Variants in LRRC3B observed in about 807,000 individuals in gnomAD.
The protein encoded by LRRC3B is leucine-rich repeat-containing protein 3B.
Under a neutral mutation model 12.8 loss-of-function variants are expected in LRRC3B, and 2 were observed. That is an observed-to-expected ratio of 0.16 (90% CI 0.06 to 0.49). The LOEUF (loss-of-function observed/expected upper bound fraction) is 0.49. Ranked by LOEUF, LRRC3B falls within the 20% of genes least tolerant of loss-of-function variation. The pLI is 0.96. For missense variants in LRRC3B, 189 were observed against 319.4 expected, an observed-to-expected ratio of 0.59 and a Z score of 3.11; for synonymous variants, 132 against 122.0, an observed-to-expected ratio of 1.08 and a Z score of -0.54.
At chr3:26,684,933 G>A (rs1236496657) in intron 1 of LRRC3B, among the ~76,000 whole-genome samples, 1 of 142,730 alleles carries the variant, frequency 7.0e-6, no homozygotes, top group African/African-American at 2.7e-5. Flanking sequence ...CTCAAACACA[G>A]GTTTCTTTAT....
rs192145841 is a variant in LRRC3B, at chr3:26,655,193, C to A, written c.-161+31956C>A. The stretch of plus-strand genomic sequence containing the variant: ...AATAAAAATTGTTTCTTCTTAGATA[C>A]TCTACTGCAGTGAATTAAACAGTGA... On this transcript the variant is annotated intron_variant, in intron 1 of 1. Coordinates refer to ENST00000396641, the Ensembl canonical transcript of LRRC3B. 1.3e-3 allele frequency among the ~76,000 whole-genome samples: 205 copies of A among 152,118 alleles called. 1 individual carries two copies. Among genetic ancestry groups the A allele is most frequent in the Non-Finnish European group, 1.9e-3 (132 of 68,010 alleles).
At chr3:26,633,692 G>A (rs993009226) in intron 1 of LRRC3B, among the ~76,000 whole-genome samples, 1 of 152,132 alleles carries the variant, frequency 6.6e-6, no homozygotes, top group African/African-American at 2.4e-5. Context: ...TATCCCAGGA[G>A]GAGGGAAAGC....
chr3:26,642,418 G>A (rs1699048589), intron 1 of LRRC3B, among the ~76,000 whole-genome samples: 1 of 152,166 alleles, frequency 6.6e-6, no homozygotes, highest in Non-Finnish European at 1.5e-5. Context: ...CCTGCACCAA[G>A]GTGTATCTTC....
chr3:26,692,981 TTAACATCC>T (rs1700222531), intron 1 of LRRC3B, among the ~76,000 whole-genome samples: 1 of 152,170 alleles, frequency 6.6e-6, no homozygotes, highest in African/African-American at 2.4e-5. Context: ...ATATGGTTTC[TTAACATCC>T]AGCAGGCTAG....
At chr3:26,675,801 G>T (rs367712967) in intron 1 of LRRC3B, among the ~76,000 whole-genome samples, 8 of 151,980 alleles carry the variant, frequency 5.3e-5, no homozygotes, top group South Asian at 2.1e-4. Context: ...CTTAATTGTT[G>T]TTTCTTGGGA....
chr3:26,678,858 A>T (rs769005353), intron 1 of LRRC3B, among the ~76,000 whole-genome samples: 1 of 152,170 alleles, frequency 6.6e-6, no homozygotes, highest in Admixed American at 6.5e-5. Context: ...AGTGCTTTCC[A>T]TGGGAAAGAT....
At chr3:26,706,596 G>A (rs17349363) in intron 1 of LRRC3B, among the ~76,000 whole-genome samples, 1,650 of 152,258 alleles carry the variant, frequency 0.011, 15 homozygotes, top group South Asian at 0.024. Context: ...GGGATATGAC[G>A]GATTCCATCT....
At position 26,660,271 on chromosome 3, in the gene LRRC3B, G is replaced by A. The variant is rs553099241; in HGVS notation, c.-161+37034G>A. 3.3e-5 allele frequency among the ~76,000 whole-genome samples: 5 copies of A among 152,282 alleles called. No individual in the cohort carries two copies. In the South Asian group the frequency reaches 1.0e-3, roughly 32 times the overall value. On this transcript the variant is annotated intron_variant, in intron 1 of 1. Transcript: ENST00000396641. Reference sequence around the variant, plus strand: ...AGATTCTCTTTTCTCTGTCAGAAAGGCATGGTAGAAGAGCAAGTAAATTTT... The same window carrying A: ...AGATTCTCTTTTCTCTGTCAGAAAGACATGGTAGAAGAGCAAGTAAATTTT...
At chr3:26,649,064 G>A (rs943551380) in intron 1 of LRRC3B, among the ~76,000 whole-genome samples, 3 of 152,232 alleles carry the variant, frequency 2.0e-5, no homozygotes, top group Non-Finnish European at 4.4e-5. Context: ...AGCTCATTTA[G>A]AGGATTAAAA....
exon 2 of LRRC3B, chr3:26,709,629 G>A: frequency 6.3e-7 from 1 of 1,584,738 alleles, no homozygotes; most frequent in Non-Finnish European, 8.6e-7. Flanking sequence ...CACGCTTGTT[G>A]GAGTAGATGA....
At chr3:26,652,912 C>T (rs73821171) in intron 1 of LRRC3B, among the ~76,000 whole-genome samples, 21,853 of 151,974 alleles carry the variant, frequency 0.14, 1,673 homozygotes, top group South Asian at 0.22. Context: ...TATATCCATA[C>T]CTATTTTTAT....
chr3:26,692,221 C>T (rs1010657757), intron 1 of LRRC3B, among the ~76,000 whole-genome samples: 5 of 152,152 alleles, frequency 3.3e-5, no homozygotes, highest in African/African-American at 7.2e-5. Context: ...CGGTTACACT[C>T]GTTTTACAGG....
intron 1 of LRRC3B, among the ~76,000 whole-genome samples, chr3:26,628,011 T>G (rs976073487): frequency 6.6e-6 from 1 of 152,144 alleles, no homozygotes; most frequent in Non-Finnish European, 1.5e-5. Context: ...AATTCCCAGT[T>G]TATTCAGGGG....
At chr3:26,689,571 C>G (rs1336631838) in intron 1 of LRRC3B, among the ~76,000 whole-genome samples, 1 of 152,140 alleles carries the variant, frequency 6.6e-6, no homozygotes, top group East Asian at 1.9e-4. Flanking sequence ...TGTTTTGAAC[C>G]TGATTGTGCA....
intron 1 of LRRC3B, among the ~76,000 whole-genome samples, chr3:26,659,796 C>T (rs1376932223): frequency 1.3e-5 from 2 of 152,152 alleles, no homozygotes; most frequent in African/African-American, 4.8e-5. Context: ...TCATTCATTC[C>T]TAGGTTCTGA....
intron 1 of LRRC3B, among the ~76,000 whole-genome samples, chr3:26,685,858 A>G (rs1004444273): frequency 1.3e-5 from 2 of 151,966 alleles, no homozygotes; most frequent in Admixed American, 1.3e-4. Flanking sequence ...ACATGCCCAG[A>G]TATGCTCCAT....
intron 1 of LRRC3B, among the ~76,000 whole-genome samples, chr3:26,665,360 C>T (rs900274962): frequency 1.3e-5 from 2 of 152,134 alleles, no homozygotes; most frequent in Non-Finnish European, 2.9e-5. Context: ...CTACTTCTTC[C>T]TATCGTCTTT....
At chr3:26,674,642 G>C (rs1699819870) in intron 1 of LRRC3B, among the ~76,000 whole-genome samples, 1 of 152,198 alleles carries the variant, frequency 6.6e-6, no homozygotes, top group African/African-American at 2.4e-5. Flanking sequence ...CACAGGGTTT[G>C]ATGGTAAATA....
chr3:26,665,718 T>G (rs1220602026), intron 1 of LRRC3B, among the ~76,000 whole-genome samples: 1 of 152,160 alleles, frequency 6.6e-6, no homozygotes, highest in Non-Finnish European at 1.5e-5. Flanking sequence ...AACCTTTTGG[T>G]AATTGTTGAA....
Sources: gnomAD v4.1 joint callset for allele counts (sites outside exome capture counted in the v4.1 genomes callset) on GRCh38, gnomAD v4.1.1 for gene constraint, MANE v1.5 for transcripts, NCBI Gene and HGNC (gene_info 2026-07-23, HGNC 2026-07-21) for gene names.